Variants in LINGO4 observed in about 807,000 individuals in gnomAD.
The protein encoded by LINGO4 is leucine rich repeat and Ig domain containing 4, also known as leucine-rich repeat and immunoglobulin-like domain-containing nogo receptor-interacting protein 4.
Under a neutral mutation model 27.9 loss-of-function variants are expected in LINGO4, and 22 were observed. The ratio of observed to expected loss-of-function variants is 0.79; its 90% CI spans 0.56 to 1.13. The LOEUF (loss-of-function observed/expected upper bound fraction) is 1.13. Among genes scored for constraint, LINGO4 ranks in the 50% most tolerant of loss-of-function variants. LINGO4 has a pLI of 0.00. For synonymous variants in LINGO4, 306 were observed against 325.8 expected (o/e 0.94, Z 0.65); for missense variants, 706 against 739.4 (o/e 0.95, Z 0.52).
chr1:151,802,984 C>A (rs1651196499), intron 1 of LINGO4, among the ~76,000 whole-genome samples: 1 of 152,026 alleles, frequency 6.6e-6, no homozygotes. Context: ...CCTAGCCAAG[C>A]CTGATTTCTG....
At chr1:151,803,788 C>A (rs948389204) in intron 1 of LINGO4, among the ~76,000 whole-genome samples, 4 of 152,170 alleles carry the variant, frequency 2.6e-5, no homozygotes, top group Non-Finnish European at 4.4e-5. Flanking sequence ...TGGGCACAGA[C>A]AGTGTGCAGA....
chr1:151,800,574 G>A lies in LINGO4; in HGVS notation c.*349C>T, dbSNP rs540753672. On this transcript the variant is annotated 3_prime_UTR_variant, in exon 2 of 2. Coordinates refer to ENST00000368820, the MANE Select transcript of LINGO4 (RefSeq NM_001004432.4). Reference sequence around the variant, plus strand: ...ATCTTATAGCCGTGGTTGGCAATTGGTTATTAAAGGATATAAGCATGTGTG... The same window carrying A: ...ATCTTATAGCCGTGGTTGGCAATTGATTATTAAAGGATATAAGCATGTGTG... The A allele has an allele frequency of 1.3e-4, 28 of 213,354 alleles. No individual in the cohort carries two copies. Among genetic ancestry groups the A allele is most frequent in the African/African-American group, 5.0e-4 (22 of 43,744 alleles). The allele number at this position is 213,354 out of a possible 1,614,324, so 13.2% of individuals were successfully genotyped here.
rs1558158935 is a variant in LINGO4 at position 151,801,173 on chromosome 1, AGT to A, written c.1530_1531del (p.Leu511PhefsTer2). 1.9e-6 allele frequency: 3 copies of A among 1,614,176 alleles called. No individual in the cohort carries two copies. Among genetic ancestry groups the A allele is most frequent in the Non-Finnish European group, 2.5e-6 (3 of 1,180,030 alleles). ...TGGCACGGTGATGTTGGGGTCAGAA[AGT>A]GTGCCGTTTGGTGGTTCCACCTGGA... is the stretch of plus-strand genomic sequence containing the variant. On this transcript the variant is annotated frameshift_variant, in exon 2 of 2. Transcript: ENST00000368820. LOFTEE classifies it high-confidence loss of function. The surrounding 1 kb of genome is among the most constrained non-coding windows in gnomAD (Gnocchi z 5.7).
chr1:151,802,289 A>T lies in LINGO4; in HGVS notation c.416T>A (p.Leu139His), dbSNP rs1028947296. 9 of 1,614,192 alleles carry T rather than the reference A, an allele frequency of 5.6e-6. No individual in the cohort carries two copies. Among genetic ancestry groups the T allele is most frequent in the Non-Finnish European group, 7.6e-6 (9 of 1,180,034 alleles). Residue 139 changes from leucine to histidine, a missense_variant, in exon 2 of 2, where the codon CTC (leucine) becomes CAC (histidine). Physicochemically the swap from Leu to His is moderately conservative, Grantham distance 99 (BLOSUM62 -3). Coordinates refer to ENST00000368820, the MANE Select transcript of LINGO4 (RefSeq NM_001004432.4). ...SGLSALTLLD[L>H]RLNQIVLFLD... Reference sequence around the variant, plus strand: ...GAAGAGAACAATCTGGTTGAGGCGGAGGTCCAGCAGGGTCAGAGCAGAGAG... The same window carrying T: ...GAAGAGAACAATCTGGTTGAGGCGGTGGTCCAGCAGGGTCAGAGCAGAGAG...
In LINGO4 at chr1:151,800,648, C is replaced by G; in HGVS notation, c.*275G>C. On this transcript the variant is annotated 3_prime_UTR_variant, in exon 2 of 2. Transcript: ENST00000368820. ...GCTGACTAGCGCTTTGATTATGTTT[C>G]CTGTTTTGTGTGTGGAGGGGGTGAA... 1 of 438,066 alleles carries G rather than the reference C, an allele frequency of 2.3e-6. No homozygotes were observed. Among genetic ancestry groups the G allele is most frequent in the Non-Finnish European group, 4.1e-6 (1 of 245,868 alleles). The allele number at this position is 438,066 out of a possible 1,614,324, so 27.1% of individuals were successfully genotyped here. A position where few individuals can be genotyped will look rare whatever the true frequency, so the allele number is the denominator to read the frequency against.
chr1:151,800,953 C>G lies in LINGO4; in HGVS notation c.1752G>C (p.Gly584=). 1 of 1,612,002 alleles carries G rather than the reference C, an allele frequency of 6.2e-7. No individual in the cohort carries two copies. The highest frequency in any genetic ancestry group is 8.5e-7 in the Non-Finnish European group (1 of 1,178,484). ...APRPSGDKNS[G]GNRVTAKLF is the part of the protein sequence containing the mutation. ...AGAGCTTGGCAGTGACCCGGTTACC[C>G]CCAGAGTTTTTATCCCCAGAGGGCC... Residue 584 remains glycine, a synonymous_variant, in exon 2 of 2, where the codon GGG becomes GGC. Coordinates refer to ENST00000368820, the MANE Select transcript of LINGO4 (RefSeq NM_001004432.4).
intron 1 of LINGO4, 71 bp downstream of exon 1, chr1:151,805,159 T>A (rs1047418179): frequency 2.6e-5 from 4 of 152,828 alleles, no homozygotes; most frequent in African/African-American, 9.6e-5. Context: ...TGGCCCCTAG[T>A]CTGGCCTGTC....
Position 151,801,270 on chromosome 1 carries a change from T to C in LINGO4, c.1435A>G (p.Arg479Gly). The C allele has an allele frequency of 1.2e-6, 2 of 1,614,224 alleles. No individual in the cohort carries two copies. The highest frequency in any genetic ancestry group is 1.7e-6 in the Non-Finnish European group (2 of 1,180,028). The change falls in exon 2 of 2, where the codon AGA becomes GGA. Residue 479 changes from arginine (R) to glycine (G), a missense_variant. Arg to Gly is a moderately radical substitution (Grantham distance 125, BLOSUM62 -2). Transcript: ENST00000368820. The surrounding 1 kb of genome is among the most constrained non-coding windows in gnomAD (Gnocchi z 5.7). Reference protein sequence around the residue: ...LEIRSVQLRDRGAYVCVVSNV... With the variant: ...LEIRSVQLRDGGAYVCVVSNV... Reference sequence around the variant, plus strand: ...CTAACCACACAGACATAGGCCCCTCTGTCCCGTAGCTGCACTGAGCGGATC... The same window carrying C: ...CTAACCACACAGACATAGGCCCCTCCGTCCCGTAGCTGCACTGAGCGGATC...
In LINGO4 at chr1:151,801,920, C is replaced by A. The variant is rs777069957; in HGVS notation, c.785G>T (p.Cys262Phe). ...TTGGAAGGGCACCGAGCTCAGATTG[C>A]AGCGAGTGATGGCCAGGCTGCTGAG... ...LNLSSLAITR[C>F]NLSSVPFQAL... Residue 262 changes from cysteine (C) to phenylalanine (F), a missense_variant, in exon 2 of 2, where the codon TGC becomes TTC. By Grantham distance (205) the Cys-to-Phe change is radical. Transcript: ENST00000368820. This position sits in a 1 kb window ranked among gnomAD's most constrained non-coding sequence, Gnocchi z 5.7. The A allele has an allele frequency of 4.3e-6, 7 of 1,614,212 alleles. No individual in the cohort carries two copies. Among genetic ancestry groups the A allele is most frequent in the Non-Finnish European group, 5.9e-6 (7 of 1,180,028 alleles).
chr1:151,800,444 A>C lies in LINGO4; in HGVS notation c.*479T>G, dbSNP rs567478267. ...GGGTCCTTTGCTCTTATTCCTGTACATAGGGGCAGGGTTGGGGTGGGGAGC... is the reference window on the plus strand; with the variant it reads ...GGGTCCTTTGCTCTTATTCCTGTACCTAGGGGCAGGGTTGGGGTGGGGAGC... On this transcript the variant is annotated 3_prime_UTR_variant, in exon 2 of 2. Coordinates refer to ENST00000368820, the MANE Select transcript of LINGO4 (RefSeq NM_001004432.4). 7.3e-4 allele frequency: 118 copies of C among 162,488 alleles called. No individual in the cohort carries two copies. Among genetic ancestry groups the C allele is most frequent in the Non-Finnish European group, 1.4e-3 (103 of 74,520 alleles). The allele number at this position is 162,488 out of a possible 1,614,324, so 10.1% of individuals were successfully genotyped here. A position where few individuals can be genotyped will look rare whatever the true frequency, so the allele number is the denominator to read the frequency against.
At chr1:151,804,805 C>T (rs553537719) in intron 1 of LINGO4, among the ~76,000 whole-genome samples, 2 of 152,314 alleles carry the variant, frequency 1.3e-5, no homozygotes, top group South Asian at 4.1e-4. Flanking sequence ...AAGGCATCAC[C>T]CCTCAAGGGT....
chr1:151,801,559 G>T lies in LINGO4; in HGVS notation c.1146C>A (p.Pro382=), dbSNP rs975837792. Residue 382 remains proline, a synonymous_variant, in exon 2 of 2, where the codon CCC becomes CCA. Coordinates refer to ENST00000368820, the MANE Select transcript of LINGO4 (RefSeq NM_001004432.4). This position sits in a 1 kb window ranked among gnomAD's most constrained non-coding sequence, Gnocchi z 5.7. ...CATGATGGGGGCCAGCACAGGCAGG[G>T]GGGGACATGCCAAAGTCCAGGTGGC... ...LRRHLDFGMS[P]PACAGPHHVQ... The T allele has an allele frequency of 6.2e-7, 1 of 1,613,772 alleles. No individual in the cohort carries two copies. Among genetic ancestry groups the T allele is most frequent in the Non-Finnish European group, 8.5e-7 (1 of 1,179,998 alleles).
rs142311107 is a variant in LINGO4 at position 151,802,140 on chromosome 1, G to T, written c.565C>A (p.Arg189Ser). The change falls in exon 2 of 2, where the codon CGC becomes AGC. Residue 189 changes from arginine to serine, a missense_variant. By Grantham distance (110) the Arg-to-Ser change is moderately radical. Coordinates refer to ENST00000368820, the MANE Select transcript of LINGO4 (RefSeq NM_001004432.4). Reference sequence around the variant, plus strand: ...CCAGGCACTGTGCTGAGGTTGCAGCGCTCCAGGGTGAGGGTGCTCAACTTG... The same window carrying T: ...CCAGGCACTGTGCTGAGGTTGCAGCTCTCCAGGGTGAGGGTGCTCAACTTG... The part of the protein sequence containing the change: ...LAKLSTLTLE[R>S]CNLSTVPGLA... 1 of 1,613,700 alleles carries T rather than the reference G, an allele frequency of 6.2e-7. No individual in the cohort carries two copies. Among genetic ancestry groups the T allele is most frequent in the African/African-American group, 1.3e-5 (1 of 74,928 alleles).
chr1:151,800,905 C>T lies in LINGO4; in HGVS notation c.*18G>A. 2 of 1,581,226 alleles carry T rather than the reference C, an allele frequency of 1.3e-6. No homozygotes were observed. The highest frequency in any genetic ancestry group is 1.7e-6 in the Non-Finnish European group (2 of 1,161,826). On this transcript the variant is annotated 3_prime_UTR_variant, in exon 2 of 2. Coordinates refer to ENST00000368820, the MANE Select transcript of LINGO4 (RefSeq NM_001004432.4). ...ATCTGAAGCGGACTTGGTGGGTTCC[C>T]CACTGGGGAAGGAAAGGTCAGAAGA...
rs1237294612 is a variant in LINGO4, at chr1:151,800,896, G to C, written c.*27C>G. 1 of 1,564,112 alleles carries C rather than the reference G, an allele frequency of 6.4e-7. No individual in the cohort carries two copies. The highest frequency in any genetic ancestry group is 1.2e-5 in the South Asian group (1 of 83,870). ...CCCTTTGGTATCTGAAGCGGACTTG[G>C]TGGGTTCCCCACTGGGGAAGGAAAG... On this transcript the variant is annotated 3_prime_UTR_variant, in exon 2 of 2. Transcript: ENST00000368820.
In LINGO4 at chr1:151,800,939, G is replaced by A. The variant is rs771488421; in HGVS notation, c.1766C>T (p.Thr589Ile). Residue 589 changes from threonine to isoleucine, a missense_variant, in exon 2 of 2, where the codon ACT becomes ATT. By Grantham distance (89) the Thr-to-Ile change is moderately conservative. Transcript: ENST00000368820. ...GDKNSGGNRV[T>I]AKLF ...AAGGAAAGGTCAGAAGAGCTTGGCA[G>A]TGACCCGGTTACCCCCAGAGTTTTT... 6.2e-7 allele frequency: 1 copy of A among 1,608,326 alleles called. No homozygotes were observed. Among genetic ancestry groups the A allele is most frequent in the East Asian group, 2.2e-5 (1 of 44,768 alleles).
At position 151,802,889 on chromosome 1, in the gene LINGO4, C is replaced by T. The variant is rs549301340; in HGVS notation, c.-13-172G>A. Among the ~76,000 whole-genome samples the T allele has an allele frequency of 4.0e-3, 611 of 152,294 alleles. 3 individuals are homozygous for T. Among genetic ancestry groups the T allele is most frequent in the Middle Eastern group, 0.014 (4 of 294 alleles). On this transcript the variant is annotated intron_variant, in intron 1 of 1. Coordinates refer to ENST00000368820, the MANE Select transcript of LINGO4 (RefSeq NM_001004432.4). ...CTTGTGTGCCACCTCCCTGGGGCTT[C>T]CTGGAGCTTCTCTTTGGGGAATCTC... is the stretch of plus-strand genomic sequence containing the variant.
rs1651146675 is a variant in LINGO4 at position 151,801,532 on chromosome 1, G to T, written c.1173C>A (p.Val391=). 4 of 1,614,028 alleles carry T rather than the reference G, an allele frequency of 2.5e-6. No homozygotes were observed. Among genetic ancestry groups the T allele is most frequent in the Non-Finnish European group, 3.4e-6 (4 of 1,180,018 alleles). Residue 391 remains valine, a synonymous_variant, in exon 2 of 2, where the codon GTC becomes GTA. Transcript: ENST00000368820. This position sits in a 1 kb window ranked among gnomAD's most constrained non-coding sequence, Gnocchi z 5.7. Reference sequence around the variant, plus strand: ...AAAACTCCTTCAGGCTCTTCCCCTGGACATGATGGGGGCCAGCACAGGCAG... The same window carrying T: ...AAAACTCCTTCAGGCTCTTCCCCTGTACATGATGGGGGCCAGCACAGGCAG... ...SPPACAGPHH[V]QGKSLKEFSD... is the part of the protein sequence containing the mutation.
Position 151,801,464 on chromosome 1 carries a change from A to C in LINGO4, c.1241T>G (p.Leu414Arg). 1 of 1,614,200 alleles carries C rather than the reference A, an allele frequency of 6.2e-7. No homozygotes were observed. Among genetic ancestry groups the C allele is most frequent in the African/African-American group, 1.3e-5 (1 of 75,080 alleles). Residue 414 changes from leucine to arginine, a missense_variant, in exon 2 of 2, where the codon CTG becomes CGG. By Grantham distance (102) the Leu-to-Arg change is moderately radical. Coordinates refer to ENST00000368820, the MANE Select transcript of LINGO4 (RefSeq NM_001004432.4). The surrounding 1 kb of genome is among the most constrained non-coding windows in gnomAD (Gnocchi z 5.7). ...PPGHFTCKPA[L>R]IRKSGPRWVI... ...CCATCGAGGCCCCGACTTTCGGATC[A>C]GGGCTGGTTTGCAGGTGAAGTGCCC...
Sources: gnomAD v4.1 joint callset for allele counts (sites outside exome capture counted in the v4.1 genomes callset) on GRCh38, gnomAD v4.1.1 for gene constraint, Gnocchi (gnomAD v3.1) non-coding constraint, MANE v1.5 for transcripts, NCBI Gene and HGNC (gene_info 2026-07-23, HGNC 2026-07-21) for gene names.